Variants in KCNQ5 observed in about 807,000 individuals in gnomAD.
The protein encoded by KCNQ5 is potassium voltage-gated channel subfamily KQT member 5.
In KCNQ5, 30 loss-of-function variants were observed where a neutral mutation model predicts 98.2. The observed-to-expected ratio is 0.31, with a 90% CI of 0.23 to 0.41. The LOEUF (loss-of-function observed/expected upper bound fraction) is 0.41. Ranked by LOEUF, KCNQ5 falls within the 10% of genes least tolerant of loss-of-function variation. KCNQ5 has a pLI of 1.00. For missense variants in KCNQ5, 835 were observed against 1,182.5 expected, an observed-to-expected ratio of 0.71 and a Z score of 4.31; for synonymous variants, 458 against 449.4, an observed-to-expected ratio of 1.02 and a Z score of -0.24.
At chr6:72,763,941 A>T (rs1293860023) in intron 1 of KCNQ5, among the ~76,000 whole-genome samples, 2 of 152,104 alleles carry the variant, frequency 1.3e-5, no homozygotes, top group Admixed American at 1.3e-4. Flanking sequence ...ATTTCAATAT[A>T]GAACACTAAT....
chr6:72,638,503 G>C (rs573184515), intron 1 of KCNQ5, among the ~76,000 whole-genome samples: 1 of 152,204 alleles, frequency 6.6e-6, no homozygotes, highest in East Asian at 1.9e-4. Context: ...CCATAAATAA[G>C]AATAATCAAA....
chr6:73,141,011 C>T (rs575454749), intron 10 of KCNQ5, among the ~76,000 whole-genome samples: 9 of 152,238 alleles, frequency 5.9e-5, no homozygotes, highest in South Asian at 2.1e-4. Context: ...CAAGTGACTA[C>T]GTTATTTCTT....
At chr6:73,024,490 A>G (rs956207011) in intron 2 of KCNQ5, among the ~76,000 whole-genome samples, 3 of 151,976 alleles carry the variant, frequency 2.0e-5, no homozygotes, top group Admixed American at 2.0e-4. Context: ...GAGAAGAATT[A>G]ATTGCTTGGG....
intron 3 of KCNQ5, among the ~76,000 whole-genome samples, chr6:73,049,995 C>G (rs1277411703): frequency 1.3e-5 from 2 of 151,922 alleles, no homozygotes; most frequent in Non-Finnish European, 2.9e-5. Flanking sequence ...AAATCATCAA[C>G]CTGGGCAACA....
intron 10 of KCNQ5, among the ~76,000 whole-genome samples, chr6:73,137,155 T>C (rs2150463012): frequency 6.6e-6 from 1 of 152,290 alleles, no homozygotes; most frequent in East Asian, 1.9e-4. Flanking sequence ...TCCTGACAAA[T>C]CTGATACTCT....
At chr6:72,651,156 T>C (rs17692874) in intron 1 of KCNQ5, among the ~76,000 whole-genome samples, 19,611 of 152,164 alleles carry the variant, frequency 0.13, 1,459 homozygotes, top group Non-Finnish European at 0.18. Flanking sequence ...CCTTATGGTA[T>C]TATAATTACC....
At chr6:72,971,029 C>T (rs1346976626) in intron 1 of KCNQ5, among the ~76,000 whole-genome samples, 2 of 152,136 alleles carry the variant, frequency 1.3e-5, no homozygotes, top group African/African-American at 2.4e-5. Context: ...AGCTTCTGCA[C>T]AGCAAAAGAA....
At chr6:73,096,012 G>A (rs1024994733) in intron 5 of KCNQ5, among the ~76,000 whole-genome samples, 1 of 152,156 alleles carries the variant, frequency 6.6e-6, no homozygotes, top group Non-Finnish European at 1.5e-5. Flanking sequence ...CCCACAACAG[G>A]TCGTCTGCAA....
At chr6:73,136,854 G>T (rs1378840605) in intron 10 of KCNQ5, 1 of 152,016 alleles carries the variant, frequency 6.6e-6, no homozygotes, top group Non-Finnish European at 1.5e-5. Context: ...TACTACCATA[G>T]AAAATAATAT....
chr6:73,060,371 A>T (rs1772724956), intron 3 of KCNQ5, among the ~76,000 whole-genome samples: 1 of 152,230 alleles, frequency 6.6e-6, no homozygotes, highest in Admixed American at 6.5e-5. Context: ...GGAAAAAATT[A>T]AAGCTGTATC....
intron 1 of KCNQ5, among the ~76,000 whole-genome samples, chr6:72,976,227 T>G (rs1768154765): frequency 6.6e-6 from 1 of 152,210 alleles, no homozygotes; most frequent in Non-Finnish European, 1.5e-5. Context: ...CATATAGTCA[T>G]AGAAAATTGC....
chr6:72,952,598 C>G (rs544267695), intron 1 of KCNQ5, among the ~76,000 whole-genome samples: 2 of 152,164 alleles, frequency 1.3e-5, no homozygotes, highest in Non-Finnish European at 2.9e-5. Flanking sequence ...GCCTTTTACA[C>G]CAATGCTAAA....
At chr6:72,746,794 C>T (rs1315161380) in intron 1 of KCNQ5, among the ~76,000 whole-genome samples, 2 of 152,090 alleles carry the variant, frequency 1.3e-5, no homozygotes, top group Admixed American at 6.5e-5. Flanking sequence ...ACATCAAGAA[C>T]ATTAACATTA....
intron 1 of KCNQ5, among the ~76,000 whole-genome samples, chr6:72,891,322 T>TATGTGTAAATGGTTGG (rs1779048561): frequency 6.6e-6 from 1 of 152,166 alleles, no homozygotes; most frequent in Non-Finnish European, 1.5e-5. Flanking sequence ...TACACTTGAG[T>TATGTGTAAATGGTTGG]ATGTGTAAAT....
intron 1 of KCNQ5, among the ~76,000 whole-genome samples, chr6:72,935,157 A>G (rs1005438637): frequency 2.3e-5 from 3 of 130,310 alleles, no homozygotes; most frequent in Admixed American, 9.7e-5. Context: ...TGCAACCTCC[A>G]CCTCCCAGGT....
intron 1 of KCNQ5, among the ~76,000 whole-genome samples, chr6:72,850,971 C>T (rs987524200): frequency 6.6e-6 from 1 of 151,844 alleles, no homozygotes; most frequent in Non-Finnish European, 1.5e-5. Flanking sequence ...AGATACTCCT[C>T]GTGTTCAGGA....
intron 5 of KCNQ5, among the ~76,000 whole-genome samples, chr6:73,078,577 A>G (rs950165012): frequency 5.3e-5 from 8 of 152,250 alleles, no homozygotes; most frequent in Non-Finnish European, 1.5e-5. Context: ...TCCAAAGGAC[A>G]GAAACATTTA....
intron 2 of KCNQ5, among the ~76,000 whole-genome samples, chr6:73,038,618 T>C (rs1771548864): frequency 6.6e-6 from 1 of 151,390 alleles, no homozygotes; most frequent in Non-Finnish European, 1.5e-5. Context: ...CTTCATCAAT[T>C]TATATGATTT....
intron 1 of KCNQ5, among the ~76,000 whole-genome samples, chr6:72,894,379 C>G (rs1050011327): frequency 5.9e-5 from 9 of 152,202 alleles, no homozygotes; most frequent in African/African-American, 1.9e-4. Context: ...GTCACTGTAC[C>G]TCTACAGGAA....
Sources: gnomAD v4.1 joint callset for allele counts (sites outside exome capture counted in the v4.1 genomes callset) on GRCh38, gnomAD v4.1.1 for gene constraint, MANE v1.5 for transcripts, NCBI Gene and HGNC (gene_info 2026-07-23, HGNC 2026-07-21) for gene names.